Variants in SDE2 observed in about 807,000 individuals in gnomAD.
SDE2 encodes spliceosome associated SDE2, also known as splicing regulator SDE2.
Under a neutral mutation model 46.9 loss-of-function variants are expected in SDE2, and 31 were observed. The observed-to-expected ratio is 0.66, with a 90% CI of 0.50 to 0.89. SDE2 has a LOEUF of 0.89. SDE2 is among the 40% of genes least tolerant of loss of function. SDE2 has a pLI of 0.00. For missense variants in SDE2, 542 were observed against 564.4 expected (o/e 0.96, Z 0.40); for synonymous variants, 205 against 204.3 (o/e 1.00, Z -0.03).
chr1:225,986,457 A>C (rs957589768), intron 6 of SDE2, among the ~76,000 whole-genome samples: 4 of 152,116 alleles, frequency 2.6e-5, no homozygotes, highest in Non-Finnish European at 5.9e-5. Context: ...AATATTAAAG[A>C]GCTCTGGAGA....
At chr1:225,996,132 G>A (rs1656519328) in intron 1 of SDE2, among the ~76,000 whole-genome samples, 1 of 152,212 alleles carries the variant, frequency 6.6e-6, no homozygotes, top group Non-Finnish European at 1.5e-5. Flanking sequence ...AACAGGTGGA[G>A]AGATGGATTT....
At position 225,988,087 on chromosome 1, in the gene SDE2, C is replaced by G. The variant is rs1656308894; in HGVS notation, c.943G>C (p.Glu315Gln). ...TTCTTCTCCTGGGTCTCTTCTGTTT[C>G]TGTAACCATCCTGCTTTCCATGTGC... ...KEHMESRMVT[E>Q]TEETQEKKAE... The change falls in exon 6 of 7, where the codon GAA becomes CAA. Residue 315 changes from glutamate to glutamine, a missense_variant. Glu to Gln is a conservative substitution (Grantham distance 29, BLOSUM62 2). Around this residue, in one of 3 missense-constraint regions of SDE2, gnomAD observed 401 missense variants for 437.8 expected, o/e 0.92. Coordinates refer to ENST00000272091, the MANE Select transcript of SDE2 (RefSeq NM_152608.4). The G allele has an allele frequency of 6.2e-7, 1 of 1,614,078 alleles. No individual in the cohort carries two copies. The highest frequency in any genetic ancestry group is 1.7e-5 in the Admixed American group (1 of 59,998).
Position 225,987,883 on chromosome 1 carries a change from A to G in SDE2, c.1134+13T>C, listed in dbSNP as rs1656300674. The G allele has an allele frequency of 6.2e-7, 1 of 1,604,112 alleles. No individual in the cohort carries two copies. Among genetic ancestry groups the G allele is most frequent in the Non-Finnish European group, 8.5e-7 (1 of 1,176,108 alleles). ...TGATTTGGCTCTAGGTATCAACCCC[A>G]AAACATACTTACTGCGTTTCCTGGC... On this transcript the variant is annotated intron_variant, in intron 6 of 6. Coordinates refer to ENST00000272091, the MANE Select transcript of SDE2 (RefSeq NM_152608.4).
chr1:225,992,627 T>C (rs1008385023), intron 3 of SDE2, 60 bp from the exon 4 acceptor site: 13 of 1,117,220 alleles, frequency 1.2e-5, no homozygotes, highest in South Asian at 6.8e-5. Flanking sequence ...CACTTTTATA[T>C]ATAAAATGTC....
intron 1 of SDE2, 148 bp from the exon 2 acceptor site, chr1:225,995,531 G>C: frequency 1.9e-6 from 1 of 525,000 alleles, no homozygotes; most frequent in Non-Finnish European, 3.4e-6. Flanking sequence ...AAACTACTAG[G>C]AGAAAAAGTC....
rs748693302 is a variant in SDE2, at chr1:225,992,491, T to C, written c.427A>G (p.Lys143Glu). The change falls in exon 4 of 7, where the codon AAG becomes GAG. Residue 143 changes from lysine (K) to glutamate (E), a missense_variant. Physicochemically the swap from Lys to Glu is moderately conservative, Grantham distance 56. This residue lies in a region of SDE2 where 401 missense variants were observed against 437.8 expected (regional missense o/e 0.92). Transcript: ENST00000272091. Reference protein sequence around the residue: ...EQKRLERLQRKLVEPKHCFTS... With the variant: ...EQKRLERLQRELVEPKHCFTS... The stretch of plus-strand genomic sequence containing the variant: ...AAGCAGTGCTTGGGTTCTACAAGCT[T>C]CCGCTGCAGTCGCTCCAGCCGCTTC... The C allele has an allele frequency of 3.1e-6, 5 of 1,612,654 alleles. No individual in the cohort carries two copies. The African/African-American group carries it at 6.7e-5, about 22-fold the overall frequency.
chr1:225,997,201 G>A (rs952457094), intron 1 of SDE2, among the ~76,000 whole-genome samples: 4 of 152,052 alleles, frequency 2.6e-5, no homozygotes, highest in African/African-American at 9.7e-5. Context: ...GGCTTTATCT[G>A]TGTCTGTTAT....
intron 6 of SDE2, among the ~76,000 whole-genome samples, chr1:225,986,409 G>T (rs1416732657): frequency 6.6e-6 from 1 of 151,518 alleles, no homozygotes; most frequent in African/African-American, 2.4e-5. Context: ...ATCTTTGAGT[G>T]ATTTTTTATA....
Position 225,984,550 on chromosome 1 carries a change from C to T in SDE2, c.*752G>A, listed in dbSNP as rs537686044. 9.2e-5 allele frequency: 14 copies of T among 152,330 alleles called. No homozygotes were observed. In the South Asian group the frequency reaches 2.9e-3, roughly 32 times the overall value. 9.4% of individuals were successfully genotyped at this position (152,330 alleles called of 1,614,324 possible). A position where few individuals can be genotyped will look rare whatever the true frequency, so the allele number is the denominator to read the frequency against. ...CGTCGGCCAGGCACGGTGGCTCACG[C>T]CTGTAATCCCAGCACTCTGGGAGGC... On this transcript the variant is annotated 3_prime_UTR_variant, in exon 7 of 7. Coordinates refer to ENST00000272091, the MANE Select transcript of SDE2 (RefSeq NM_152608.4).
chr1:225,993,239 C>T (rs1171087087), intron 2 of SDE2, among the ~76,000 whole-genome samples: 1 of 151,944 alleles, frequency 6.6e-6, no homozygotes, highest in African/African-American at 2.4e-5. Flanking sequence ...AAATACCTAG[C>T]CTTCCCAAAC....
At position 225,984,105 on chromosome 1, in the gene SDE2, G is replaced by A. The variant is rs888402480; in HGVS notation, c.*1197C>T. On this transcript the variant is annotated 3_prime_UTR_variant, in exon 7 of 7. Coordinates refer to ENST00000272091, the MANE Select transcript of SDE2 (RefSeq NM_152608.4). ...CTACTAAAAATACAAAAATCAGCCA[G>A]GTATGGTGGCTGGAGCCTGTAATCC... 7.2e-5 allele frequency: 11 copies of A among 152,158 alleles called. No homozygotes were observed. Among genetic ancestry groups the A allele is most frequent in the Non-Finnish European group, 1.0e-4 (7 of 68,062 alleles). 9.4% of individuals were successfully genotyped at this position (152,158 alleles called of 1,614,324 possible).
chr1:225,988,336 C>T lies in SDE2; in HGVS notation c.694G>A (p.Asp232Asn). 1 of 1,614,176 alleles carries T rather than the reference C, an allele frequency of 6.2e-7. No individual in the cohort carries two copies. ...TAEGSNSESS[D>N]DDSEEAPSTS... ...CTTGGTGCTTCTTCACTGTCATCAT[C>T]TGAACTCTCAGAGTTGGACCCTTCT... Residue 232 changes from aspartate (D) to asparagine (N), a missense_variant, in exon 6 of 7, where the codon GAT becomes AAT. Physicochemically the swap from Asp to Asn is conservative, Grantham distance 23. Coordinates refer to ENST00000272091, the MANE Select transcript of SDE2 (RefSeq NM_152608.4).
intron 1 of SDE2, among the ~76,000 whole-genome samples, chr1:225,996,950 G>C (rs1656540193): frequency 6.6e-6 from 1 of 152,222 alleles, no homozygotes; most frequent in Non-Finnish European, 1.5e-5. Context: ...TGGAAATCAA[G>C]AATGCTTCTC....
At chr1:225,996,643 T>C (rs375451822) in intron 1 of SDE2, among the ~76,000 whole-genome samples, 1 of 152,326 alleles carries the variant, frequency 6.6e-6, no homozygotes, top group African/African-American at 2.4e-5. Flanking sequence ...CTATCAGAGA[T>C]AAACCTGTCA....
intron 1 of SDE2, among the ~76,000 whole-genome samples, chr1:225,997,944 T>A (rs956874425): frequency 6.6e-6 from 1 of 151,754 alleles, no homozygotes; most frequent in African/African-American, 2.4e-5. Flanking sequence ...CTGGCCAACG[T>A]GGTGAAACCC....
At position 225,985,434 on chromosome 1, in the gene SDE2, C is replaced by A. The variant is rs1449785675; in HGVS notation, c.1224G>T (p.Leu408=). ...LLGLEKLKCE[L]MALGLKCGGT... The stretch of plus-strand genomic sequence containing the variant: ...CCCCACATTTCAGTCCAAGGGCCAT[C>A]AGTTCACATTTGAGCTTCTCCAAAC... Residue 408 remains leucine, a synonymous_variant, in exon 7 of 7, where the codon CTG becomes CTT. Coordinates refer to ENST00000272091, the MANE Select transcript of SDE2 (RefSeq NM_152608.4). The A allele has an allele frequency of 6.2e-7, 1 of 1,614,134 alleles. No individual in the cohort carries two copies. Among genetic ancestry groups the A allele is most frequent in the Non-Finnish European group, 8.5e-7 (1 of 1,179,966 alleles).
chr1:225,983,106 G>T lies in SDE2; in HGVS notation c.*2196C>A, dbSNP rs1656189774. 6.6e-6 allele frequency: 1 copy of T among 152,114 alleles called. No individual in the cohort carries two copies. Among genetic ancestry groups the T allele is most frequent in the African/African-American group, 2.4e-5 (1 of 41,448 alleles). 9.4% of individuals were successfully genotyped at this position (152,114 alleles called of 1,614,324 possible). On this transcript the variant is annotated 3_prime_UTR_variant, in exon 7 of 7. Transcript: ENST00000272091. Reference sequence around the variant, plus strand: ...ACATTTAATGTTAAACTTATTAAAAGATACAGAGAGAACAGATAAAAATGC... The same window carrying T: ...ACATTTAATGTTAAACTTATTAAAATATACAGAGAGAACAGATAAAAATGC...
intron 4 of SDE2, among the ~76,000 whole-genome samples, 189 bp from the exon 5 acceptor site, chr1:225,991,552 C>T (rs563504194): frequency 1.4e-5 from 2 of 138,390 alleles, no homozygotes; most frequent in South Asian, 4.1e-4. Context: ...AGTCTAGGAG[C>T]AGATTTTTTA....
At chr1:225,986,649 A>G (rs897537268) in intron 6 of SDE2, among the ~76,000 whole-genome samples, 1 of 152,250 alleles carries the variant, frequency 6.6e-6, no homozygotes, top group African/African-American at 2.4e-5. Flanking sequence ...ACAAAACTCC[A>G]TGGCTAACAC....
Sources: gnomAD v4.1 joint callset for allele counts (sites outside exome capture counted in the v4.1 genomes callset) on GRCh38, gnomAD v4.1.1 for gene constraint, gnomAD v4.1.1 regional missense constraint, MANE v1.5 for transcripts, NCBI Gene and HGNC (gene_info 2026-07-23, HGNC 2026-07-21) for gene names.